COL19A1: variants seen among roughly 807,000 people sequenced by gnomAD.
COL19A1 encodes collagen type XIX alpha 1 chain.
In COL19A1, 159 loss-of-function variants were observed where a neutral mutation model predicts 190.2. The observed-to-expected ratio is 0.84, with a 90% CI of 0.73 to 0.95. The LOEUF is 0.95. COL19A1 is among the 40% of genes least tolerant of loss of function. The pLI is 0.00. For missense variants in COL19A1, 1,418 were observed against 1,431.9 expected, an observed-to-expected ratio of 0.99 and a Z score of 0.16; for synonymous variants, 509 against 458.9, an observed-to-expected ratio of 1.11 and a Z score of -1.39.
At chr6:69,983,012 A>ATAAATAAG (rs1554184122) in intron 11 of COL19A1, among the ~76,000 whole-genome samples, 26 of 149,578 alleles carry the variant, frequency 1.7e-4, no homozygotes, top group African/African-American at 5.7e-4. Context: ...AAATAAATAA[A>ATAAATAAG]TAAATAAATA....
chr6:70,077,143 G>A (rs1220023928), intron 15 of COL19A1, among the ~76,000 whole-genome samples: 1 of 152,076 alleles, frequency 6.6e-6, no homozygotes, highest in Non-Finnish European at 1.5e-5. Context: ...CCTCAACTTT[G>A]TAAAACTCTA....
intron 49 of COL19A1, 152 bp downstream of exon 49, chr6:70,199,888 G>A (rs1175371997): frequency 5.7e-6 from 4 of 703,642 alleles, no homozygotes; most frequent in South Asian, 2.1e-5. Flanking sequence ...GGTTTCATAT[G>A]TAATCTCTTT....
chr6:69,943,616 T>C (rs9454919), intron 9 of COL19A1, among the ~76,000 whole-genome samples: 46,228 of 151,952 alleles, frequency 0.3, 8,614 homozygotes, highest in African/African-American at 0.52. Context: ...GTTTATTCTT[T>C]TGAATATAGT....
intron 11 of COL19A1, among the ~76,000 whole-genome samples, chr6:70,021,035 G>A (rs1415581166): frequency 6.6e-6 from 1 of 152,080 alleles, no homozygotes; most frequent in Non-Finnish European, 1.5e-5. Context: ...ACATTGAATT[G>A]TTGGATATCC....
intron 15 of COL19A1, among the ~76,000 whole-genome samples, chr6:70,077,580 T>C (rs980705148): frequency 2.6e-5 from 4 of 152,146 alleles, no homozygotes; most frequent in Non-Finnish European, 5.9e-5. Flanking sequence ...CATTGTGTTT[T>C]CTAAATTCAC....
At chr6:70,093,665 A>G (rs1783066256) in intron 15 of COL19A1, among the ~76,000 whole-genome samples, 1 of 152,182 alleles carries the variant, frequency 6.6e-6, no homozygotes, top group Admixed American at 6.6e-5. Flanking sequence ...GAGAAGCTCA[A>G]AAATTATAAC....
chr6:70,154,915 C>T (rs1229156227), intron 31 of COL19A1, among the ~76,000 whole-genome samples: 1 of 152,146 alleles, frequency 6.6e-6, no homozygotes, highest in Admixed American at 6.5e-5. Flanking sequence ...CGAGCTGGCA[C>T]CTGATTAGAT....
At chr6:69,874,027 C>T (rs1767987471) in intron 1 of COL19A1, among the ~76,000 whole-genome samples, 1 of 152,200 alleles carries the variant, frequency 6.6e-6, no homozygotes, top group Admixed American at 6.5e-5. Context: ...ATTTGTAAAT[C>T]TATCTTGATA....
At chr6:70,033,475 A>G (rs896920840) in intron 12 of COL19A1, among the ~76,000 whole-genome samples, 1 of 151,956 alleles carries the variant, frequency 6.6e-6, no homozygotes, top group Non-Finnish European at 1.5e-5. Context: ...CGTAGTCAGG[A>G]TGTGTCTATC....
Position 70,009,712 on chromosome 6 carries a change from G to A in COL19A1, c.1027-13915G>A, listed in dbSNP as rs535920876. Among the ~76,000 whole-genome samples the A allele has an allele frequency of 6.5e-5, 9 of 138,330 alleles. No homozygotes were observed. The East Asian group carries it at 1.4e-3, about 21-fold the overall frequency. 90.7% of individuals were successfully genotyped at this position (138,330 alleles called of 152,430 possible). A position where few individuals can be genotyped will look rare whatever the true frequency, so the allele number is the denominator to read the frequency against. Reference sequence around the variant, plus strand: ...CAACATTTATCATAATGATAATCAAGGAAGTGTGGCATCAGCTTAAAGATA... The same window carrying A: ...CAACATTTATCATAATGATAATCAAAGAAGTGTGGCATCAGCTTAAAGATA... On this transcript the variant is annotated intron_variant, in intron 11 of 50. Coordinates refer to ENST00000620364, the MANE Select transcript of COL19A1 (RefSeq NM_001858.6).
chr6:70,161,756 A>G (rs530043830), intron 34 of COL19A1, 144 bp from the exon 35 acceptor site: 26 of 557,792 alleles, frequency 4.7e-5, no homozygotes, highest in African/African-American at 4.5e-4. Flanking sequence ...TAGAATTAAA[A>G]AAGTATATTT....
At chr6:70,157,039 A>G (rs551035835) in intron 34 of COL19A1, among the ~76,000 whole-genome samples, 1 of 152,212 alleles carries the variant, frequency 6.6e-6, no homozygotes, top group African/African-American at 2.4e-5. Context: ...GGGAAAATTT[A>G]CTCAAAAGAA....
chr6:70,182,557 T>G (rs571789259), intron 44 of COL19A1, among the ~76,000 whole-genome samples: 1 of 152,276 alleles, frequency 6.6e-6, no homozygotes, highest in South Asian at 2.1e-4. Flanking sequence ...GTGCTTCAAC[T>G]GTTAGGAAGA....
At chr6:70,184,967 C>G in intron 46 of COL19A1, 52 bp downstream of exon 46, 1 of 1,549,808 alleles carries the variant, frequency 6.5e-7, no homozygotes, top group Non-Finnish European at 8.8e-7. Flanking sequence ...TTACAACTGT[C>G]CCATCATTTG....
intron 40 of COL19A1, among the ~76,000 whole-genome samples, 167 bp downstream of exon 40, chr6:70,168,848 T>C (rs534177100): frequency 1.3e-5 from 2 of 152,338 alleles, no homozygotes; most frequent in African/African-American, 2.4e-5. Flanking sequence ...TCTCTGTTTC[T>C]GAGATGCATT....
chr6:70,084,324 CA>C (rs1195604476), intron 15 of COL19A1, among the ~76,000 whole-genome samples: 1 of 152,074 alleles, frequency 6.6e-6, no homozygotes, highest in Non-Finnish European at 1.5e-5. Context: ...TTCAGAGTCA[CA>C]AAGCCAGAAA....
At chr6:70,005,324 T>G (rs1379152810) in intron 11 of COL19A1, among the ~76,000 whole-genome samples, 1 of 152,156 alleles carries the variant, frequency 6.6e-6, no homozygotes, top group Non-Finnish European at 1.5e-5. Context: ...GACCTTTGGA[T>G]GGATTTTTTT....
chr6:70,003,478 T>C (rs1192263858), intron 11 of COL19A1, among the ~76,000 whole-genome samples: 1 of 152,182 alleles, frequency 6.6e-6, no homozygotes, highest in African/African-American at 2.4e-5. Flanking sequence ...GGTGTTAAAG[T>C]CTCCCACTAT....
intron 44 of COL19A1, among the ~76,000 whole-genome samples, chr6:70,183,204 C>T (rs1444064629): frequency 2.0e-5 from 3 of 152,132 alleles, no homozygotes; most frequent in African/African-American, 7.2e-5. Context: ...TGGGTTGGAA[C>T]AAGCGAGCAA....
Sources: allele counts gnomAD v4.1 joint callset (sites outside exome capture counted in the v4.1 genomes callset), GRCh38; gene constraint gnomAD v4.1.1; transcripts MANE v1.5; gene names NCBI Gene and HGNC (gene_info 2026-07-23, HGNC 2026-07-21).